Variants in RSU1 observed in about 807,000 individuals in gnomAD.
The protein encoded by RSU1 is Ras suppressor protein 1.
RSU1 carries 26 observed loss-of-function variants against 31.1 expected under a neutral mutation model. That is an observed-to-expected ratio of 0.84 (90% CI 0.61 to 1.16). The LOEUF is 1.16. RSU1 is among the 50% of genes most tolerant of loss of function. The pLI is 0.00. For missense variants in RSU1, 320 were observed against 339.1 expected (o/e 0.94, Z 0.44); for synonymous variants, 164 against 136.3 (o/e 1.20, Z -1.41).
intron 8 of RSU1, among the ~76,000 whole-genome samples, chr10:16,654,166 C>T (rs1490885990): frequency 6.6e-6 from 1 of 151,592 alleles, no homozygotes; most frequent in Non-Finnish European, 1.5e-5. Context: ...TCACGCCCAG[C>T]TAATTTTTGT....
chr10:16,729,804 G>A (rs1836471379), intron 7 of RSU1, among the ~76,000 whole-genome samples: 1 of 152,124 alleles, frequency 6.6e-6, no homozygotes, highest in African/African-American at 2.4e-5. Flanking sequence ...GTGTTTCCTT[G>A]TACACTGGCT....
chr10:16,663,635 G>A lies in RSU1; in HGVS notation c.731+31388C>T, dbSNP rs1316625476. 7.2e-5 allele frequency among the ~76,000 whole-genome samples: 11 copies of A among 152,220 alleles called. 1 individual carries two copies. In the South Asian group the frequency reaches 1.5e-3, roughly 20 times the overall value. On this transcript the variant is annotated intron_variant, in intron 8 of 8. Coordinates refer to ENST00000345264, the MANE Select transcript of RSU1 (RefSeq NM_012425.4). ...GGTCACATGAATAGCCACTCGCCGC[G>A]CAGTACAACTACATGTGTCGTCAGT...
chr10:16,749,605 T>C (rs1280908791), intron 7 of RSU1, among the ~76,000 whole-genome samples: 3 of 152,018 alleles, frequency 2.0e-5, no homozygotes, highest in African/African-American at 7.2e-5. Context: ...GATGGTCACC[T>C]CAGGCGTTGG....
chr10:16,785,469 T>C (rs188191606), intron 2 of RSU1, among the ~76,000 whole-genome samples: 7,676 of 130,568 alleles, frequency 0.059, 446 homozygotes, highest in East Asian at 0.12. Context: ...CATATATATA[T>C]ACACATATAT....
At chr10:16,672,770 A>T (rs998713544) in intron 8 of RSU1, among the ~76,000 whole-genome samples, 5 of 152,208 alleles carry the variant, frequency 3.3e-5, no homozygotes, top group Non-Finnish European at 7.3e-5. Context: ...CATGGGCATA[A>T]AAAAACCCTT....
rs780289429 is a variant in RSU1, at chr10:16,764,529, T to C, written c.161-19A>G. 3 of 1,608,452 alleles carry C rather than the reference T, an allele frequency of 1.9e-6. No individual in the cohort carries two copies. Among genetic ancestry groups the C allele is most frequent in the East Asian group, 4.5e-5 (2 of 44,662 alleles). ...GGCACCACTATGGAAACAAAAATGC[T>C]GAGTGTGAATCTGGGAATGGAACTC... On this transcript the variant is annotated intron_variant, in intron 3 of 8. Coordinates refer to ENST00000345264, the MANE Select transcript of RSU1 (RefSeq NM_012425.4).
intron 2 of RSU1, among the ~76,000 whole-genome samples, chr10:16,809,668 C>A (rs1375160541): frequency 6.6e-6 from 1 of 152,172 alleles, no homozygotes; most frequent in East Asian, 1.9e-4. Context: ...AAAAAAAAGT[C>A]ATCTCTAGTC....
chr10:16,642,812 T>C (rs1402730629), intron 8 of RSU1, among the ~76,000 whole-genome samples: 1 of 152,216 alleles, frequency 6.6e-6, no homozygotes, highest in Non-Finnish European at 1.5e-5. Context: ...AGTCTCAACC[T>C]TTCCAATAGT....
chr10:16,775,941 A>G (rs1837519765), intron 3 of RSU1, among the ~76,000 whole-genome samples: 1 of 152,234 alleles, frequency 6.6e-6, no homozygotes, highest in South Asian at 2.1e-4. Flanking sequence ...TTGTTTTGAT[A>G]TTGTCACAAG....
intron 2 of RSU1, among the ~76,000 whole-genome samples, chr10:16,800,091 T>G (rs1838120412): frequency 6.6e-6 from 1 of 151,800 alleles, no homozygotes; most frequent in African/African-American, 2.4e-5. Flanking sequence ...AAGAGAAAAT[T>G]TTACCCTCTG....
intron 8 of RSU1, among the ~76,000 whole-genome samples, chr10:16,678,751 C>T (rs959323115): frequency 7.9e-5 from 12 of 152,100 alleles, no homozygotes; most frequent in African/African-American, 2.9e-4. Context: ...GTGCCCACTC[C>T]TCCCTGTCTC....
intron 2 of RSU1, among the ~76,000 whole-genome samples, chr10:16,809,802 G>A (rs1396271317): frequency 6.6e-6 from 1 of 151,500 alleles, no homozygotes; most frequent in East Asian, 2.0e-4. Context: ...TTGTAGCATT[G>A]GTTATAATGG....
At chr10:16,663,504 A>G (rs1232137847) in intron 8 of RSU1, among the ~76,000 whole-genome samples, 1 of 152,116 alleles carries the variant, frequency 6.6e-6, no homozygotes, top group Non-Finnish European at 1.5e-5. Flanking sequence ...ATATTCTTCA[A>G]TTAAGCTTGA....
chr10:16,790,542 C>T (rs1837890290), intron 2 of RSU1, among the ~76,000 whole-genome samples: 1 of 151,906 alleles, frequency 6.6e-6, no homozygotes, highest in Non-Finnish European at 1.5e-5. Flanking sequence ...ACCATGCACC[C>T]AGGGGACCTA....
intron 8 of RSU1, among the ~76,000 whole-genome samples, chr10:16,617,771 G>C (rs1256992943): frequency 1.3e-5 from 2 of 152,158 alleles, no homozygotes; most frequent in Non-Finnish European, 2.9e-5. Flanking sequence ...GTGAAAACTG[G>C]CTAGCCATAT....
intron 8 of RSU1, among the ~76,000 whole-genome samples, chr10:16,676,108 G>C (rs973633620): frequency 6.6e-6 from 1 of 152,160 alleles, no homozygotes; most frequent in East Asian, 1.9e-4. Flanking sequence ...CTAGAGAAAG[G>C]TCATACCCTT....
chr10:16,665,322 T>C (rs1834968036), intron 8 of RSU1, among the ~76,000 whole-genome samples: 1 of 152,172 alleles, frequency 6.6e-6, no homozygotes, highest in Non-Finnish European at 1.5e-5. Context: ...TATTATCATC[T>C]AATTTTACAG....
At chr10:16,715,103 G>T (rs1836113750) in intron 7 of RSU1, among the ~76,000 whole-genome samples, 2 of 152,190 alleles carry the variant, frequency 1.3e-5, no homozygotes, top group African/African-American at 4.8e-5. Flanking sequence ...GGCCTTCCAT[G>T]CACCACAGGA....
chr10:16,798,926 A>C (rs1838094127), intron 2 of RSU1, among the ~76,000 whole-genome samples: 1 of 152,252 alleles, frequency 6.6e-6, no homozygotes, highest in East Asian at 1.9e-4. Flanking sequence ...TGTAAAAAGA[A>C]CACAAATTTT....
Sources: allele counts gnomAD v4.1 joint callset (sites outside exome capture counted in the v4.1 genomes callset), GRCh38; gene constraint gnomAD v4.1.1; transcripts MANE v1.5; gene names NCBI Gene and HGNC (gene_info 2026-07-23, HGNC 2026-07-21).